Variants in SCHIP1 observed in about 807,000 individuals in gnomAD.
SCHIP1 encodes schwannomin-interacting protein 1.
Under a neutral mutation model 29.7 loss-of-function variants are expected in SCHIP1, and 8 were observed. The ratio of observed to expected loss-of-function variants is 0.27; its 90% confidence interval spans 0.16 to 0.49. The LOEUF (loss-of-function observed/expected upper bound fraction) is 0.49, where lower values mean the gene tolerates loss of function less well. Ranked by LOEUF, SCHIP1 falls within the 20% of genes least tolerant of loss-of-function variation. The pLI is 0.99. For missense variants in SCHIP1, 193 were observed against 294.6 expected (o/e 0.66, Z 2.52); for synonymous variants, 76 against 94.9 (o/e 0.80, Z 1.16).
At chr3:159,845,471 C>T (rs1390266208) in intron 1 of SCHIP1, 1 of 151,910 alleles carries the variant, frequency 6.6e-6, no homozygotes, top group Non-Finnish European at 1.5e-5. Flanking sequence ...ACCTCCACCT[C>T]CCGGGTTCCA....
At chr3:159,591,779 T>G in the SCHIP1 span, among the ~76,000 whole-genome samples, 38 of 151,244 alleles carry the variant, frequency 2.5e-4, no homozygotes, top group African/African-American at 8.5e-4. Flanking sequence ...GGGGTTGGGG[T>G]CAAGGGGAGG....
At chr3:159,566,500 T>C in the SCHIP1 span, among the ~76,000 whole-genome samples, 1 of 152,156 alleles carries the variant, frequency 6.6e-6, no homozygotes, top group Non-Finnish European at 1.5e-5. Context: ...ATGTACATTA[T>C]GTTAATGATA....
the SCHIP1 span, among the ~76,000 whole-genome samples, chr3:159,445,991 C>T: frequency 6.6e-6 from 1 of 151,266 alleles, no homozygotes; most frequent in Non-Finnish European, 1.5e-5. Flanking sequence ...CTAACCTGCA[C>T]ATTGTGCACA....
At chr3:159,612,306 G>A in the SCHIP1 span, among the ~76,000 whole-genome samples, 144 of 152,186 alleles carry the variant, frequency 9.5e-4, 1 homozygote, top group South Asian at 0.029. Context: ...AATAAAAATG[G>A]TAAGGGAAAA....
the SCHIP1 span, among the ~76,000 whole-genome samples, chr3:159,772,295 A>C: frequency 2.0e-5 from 3 of 152,136 alleles, no homozygotes; most frequent in African/African-American, 7.2e-5. Flanking sequence ...GTAGTACTAC[A>C]GGTGCCCACC....
the SCHIP1 span, among the ~76,000 whole-genome samples, chr3:159,468,779 T>A: frequency 2.4e-3 from 241 of 98,578 alleles, no homozygotes; most frequent in Middle Eastern, 5.3e-3. Flanking sequence ...ATATATATAT[T>A]TTTTTTAGAT....
the SCHIP1 span, among the ~76,000 whole-genome samples, chr3:159,828,377 ATATATATATACATATATACG>A: frequency 1.4e-5 from 1 of 73,668 alleles, no homozygotes; most frequent in South Asian, 4.1e-4. Context: ...ATATATATAC[ATATATATATACATATATACG>A]TATATATATA....
chr3:159,692,541 A>G, the SCHIP1 span, among the ~76,000 whole-genome samples: 1 of 152,242 alleles, frequency 6.6e-6, no homozygotes, highest in South Asian at 2.1e-4. Context: ...TTTATGCTTC[A>G]TGAAGTTCTT....
the SCHIP1 span, among the ~76,000 whole-genome samples, chr3:159,667,063 C>T: frequency 6.6e-6 from 1 of 152,246 alleles, no homozygotes; most frequent in South Asian, 2.1e-4. Context: ...GTTAACACAG[C>T]ATCTGTTCCA....
At chr3:159,370,689 A>C in the SCHIP1 span, among the ~76,000 whole-genome samples, 1 of 152,174 alleles carries the variant, frequency 6.6e-6, no homozygotes, top group Non-Finnish European at 1.5e-5. Flanking sequence ...AAAAGTGGAG[A>C]AATGGATGAA....
At chr3:159,696,449 T>C in the SCHIP1 span, among the ~76,000 whole-genome samples, 10 of 152,242 alleles carry the variant, frequency 6.6e-5, no homozygotes, top group African/African-American at 2.2e-4. Flanking sequence ...AGTACATGTA[T>C]TCCTTGAACC....
the SCHIP1 span, among the ~76,000 whole-genome samples, chr3:159,768,085 A>T: frequency 6.6e-6 from 1 of 152,162 alleles, no homozygotes; most frequent in Non-Finnish European, 1.5e-5. Context: ...TTTGCCTCAG[A>T]CCCAGTGAGA....
the SCHIP1 span, among the ~76,000 whole-genome samples, chr3:159,356,493 G>A: frequency 6.6e-6 from 1 of 152,184 alleles, no homozygotes; most frequent in African/African-American, 2.4e-5. Flanking sequence ...TTTAGTGAGG[G>A]TGGTAGACAG....
chr3:159,579,461 G>A, the SCHIP1 span, among the ~76,000 whole-genome samples: 1 of 152,098 alleles, frequency 6.6e-6, no homozygotes, highest in African/African-American at 2.4e-5. Flanking sequence ...AATATTTTGG[G>A]GTACTCCTAT....
At chr3:159,500,511 A>C in the SCHIP1 span, among the ~76,000 whole-genome samples, 3 of 152,110 alleles carry the variant, frequency 2.0e-5, no homozygotes, top group Non-Finnish European at 4.4e-5. Flanking sequence ...CAGGAGATCG[A>C]GACCATCCTG....
the SCHIP1 span, among the ~76,000 whole-genome samples, chr3:159,419,943 A>G: frequency 6.6e-6 from 1 of 152,240 alleles, no homozygotes; most frequent in Non-Finnish European, 1.5e-5. Flanking sequence ...TCTCACTCCA[A>G]AGACCATTTA....
chr3:159,397,481 A>T, the SCHIP1 span, among the ~76,000 whole-genome samples: 1 of 151,926 alleles, frequency 6.6e-6, no homozygotes, highest in African/African-American at 2.4e-5. Flanking sequence ...GATGATGGTG[A>T]TGTACAGATG....
At chr3:159,346,561 G>A in the SCHIP1 span, among the ~76,000 whole-genome samples, 2 of 152,102 alleles carry the variant, frequency 1.3e-5, no homozygotes, top group African/African-American at 4.8e-5. Context: ...AAGAAGAGAA[G>A]CTTTCTGCCA....
the SCHIP1 span, among the ~76,000 whole-genome samples, chr3:159,496,968 C>T: frequency 1.3e-4 from 20 of 152,134 alleles, no homozygotes; most frequent in South Asian, 6.2e-4. Flanking sequence ...ACATGGATGA[C>T]GCTGGAAACC....
Sources: gnomAD v4.1 joint callset for allele counts (sites outside exome capture counted in the v4.1 genomes callset) on GRCh38, gnomAD v4.1.1 for gene constraint, MANE v1.5 for transcripts, NCBI Gene and HGNC (gene_info 2026-07-23, HGNC 2026-07-21) for gene names.